Variants in RBM19 observed in about 807,000 individuals in gnomAD.
RBM19 encodes RNA binding motif protein 19, also known as probable RNA-binding protein 19.
In RBM19, 94 loss-of-function variants were observed where a neutral mutation model predicts 116.8. That is an observed-to-expected ratio of 0.80 (90% confidence interval 0.68 to 0.95). The LOEUF (loss-of-function observed/expected upper bound fraction) is 0.95, where lower values mean the gene tolerates loss of function less well. RBM19 is among the 40% of genes least tolerant of loss of function. The probability of loss-of-function intolerance (pLI) is 0.00; values close to 1 mark genes in which losing one functional copy is unlikely to be tolerated. For synonymous variants in RBM19, 475 were observed against 494.1 expected, an observed-to-expected ratio of 0.96 and a Z score of 0.51; for missense variants, 1,161 against 1,220.7, an observed-to-expected ratio of 0.95 and a Z score of 0.73.
intron 22 of RBM19, among the ~76,000 whole-genome samples, chr12:113,845,374 C>A (rs1876873887): frequency 6.6e-6 from 1 of 152,136 alleles, no homozygotes; most frequent in African/African-American, 2.4e-5. Context: ...TGGGTCCTGG[C>A]ACAGGCTGTT....
chr12:113,882,854 A>AT (rs1880245359), intron 21 of RBM19, among the ~76,000 whole-genome samples: 1 of 152,222 alleles, frequency 6.6e-6, no homozygotes, highest in African/African-American at 2.4e-5. Context: ...GAGTCCAGAG[A>AT]TACAAGAGTT....
At chr12:113,860,967 C>T (rs1046196599) in intron 21 of RBM19, among the ~76,000 whole-genome samples, 4 of 152,200 alleles carry the variant, frequency 2.6e-5, no homozygotes, top group Admixed American at 2.6e-4. Flanking sequence ...CACCTACCCT[C>T]AGAGGGCGGT....
chr12:113,869,595 C>A (rs2135761905), intron 21 of RBM19, among the ~76,000 whole-genome samples: 1 of 152,252 alleles, frequency 6.6e-6, no homozygotes, highest in South Asian at 2.1e-4. Context: ...ATAATTCAGG[C>A]TAATGAAATC....
At chr12:113,957,717 G>A in intron 6 of RBM19, 65 bp downstream of exon 6, 8 of 1,516,462 alleles carry the variant, frequency 5.3e-6, no homozygotes, top group Non-Finnish European at 7.1e-6. Flanking sequence ...CAGAGGAGCT[G>A]TGGGGACCAC....
chr12:113,952,576 T>C lies in RBM19; in HGVS notation c.936A>G (p.Glu312=). ...CCACTGGTTTCAGGGGTGCCAGGAA[T>C]TCCATAACATTTTTCTGTGAGAAGA... ...PFNVTEKNVM[E]FLAPLKPVAI... The change falls in exon 8 of 24, where the codon GAA becomes GAG. Residue 312 remains glutamate (E), a synonymous_variant. Coordinates refer to ENST00000261741, the MANE Select transcript of RBM19 (RefSeq NM_016196.4). 6.2e-7 allele frequency: 1 copy of C among 1,613,988 alleles called. No homozygotes were observed. The highest frequency in any genetic ancestry group is 8.5e-7 in the Non-Finnish European group (1 of 1,179,874).
intron 21 of RBM19, among the ~76,000 whole-genome samples, chr12:113,875,723 T>G (rs1879625640): frequency 6.6e-6 from 1 of 152,186 alleles, no homozygotes. Flanking sequence ...GGAGGCCCCT[T>G]GCAACAGCCA....
At chr12:113,920,548 G>T in intron 19 of RBM19, 63 bp downstream of exon 19, 1 of 1,423,436 alleles carries the variant, frequency 7.0e-7, no homozygotes, top group Non-Finnish European at 9.9e-7. Context: ...TCAGAGGGCT[G>T]ACGGGACCTC....
intron 2 of RBM19, among the ~76,000 whole-genome samples, chr12:113,961,754 C>T (rs763998362): frequency 2.0e-5 from 3 of 152,252 alleles, no homozygotes; most frequent in Non-Finnish European, 4.4e-5. Flanking sequence ...GGGGCTCACC[C>T]TATCATAGCA....
At chr12:113,939,184 T>C (rs533666398) in intron 15 of RBM19, among the ~76,000 whole-genome samples, 9 of 152,174 alleles carry the variant, frequency 5.9e-5, no homozygotes, top group Admixed American at 5.2e-4. Flanking sequence ...TGCATGCCTG[T>C]AGTCTCAGCT....
chr12:113,842,461 G>T (rs560982745), intron 23 of RBM19, among the ~76,000 whole-genome samples: 2 of 152,248 alleles, frequency 1.3e-5, no homozygotes, highest in Non-Finnish European at 2.9e-5. Context: ...GCTTGCAACT[G>T]TGTATTTAGC....
intron 14 of RBM19, among the ~76,000 whole-genome samples, chr12:113,940,878 G>A (rs1424043076): frequency 2.6e-5 from 4 of 152,148 alleles, no homozygotes; most frequent in Admixed American, 6.5e-5. Flanking sequence ...CTCCCGCAGC[G>A]ACAGCAAGGA....
intron 20 of RBM19, among the ~76,000 whole-genome samples, chr12:113,916,675 G>C (rs1882794266): frequency 6.6e-6 from 1 of 152,166 alleles, no homozygotes; most frequent in Non-Finnish European, 1.5e-5. Context: ...CCATGCCATG[G>C]GGACACTCAA....
chr12:113,845,097 A>G (rs1423092387), intron 22 of RBM19, among the ~76,000 whole-genome samples: 1 of 152,124 alleles, frequency 6.6e-6, no homozygotes, highest in Non-Finnish European at 1.5e-5. Flanking sequence ...GGGCGACCCC[A>G]TTAGTGGGCT....
At chr12:113,906,593 T>C (rs1471933043) in intron 21 of RBM19, among the ~76,000 whole-genome samples, 4 of 152,052 alleles carry the variant, frequency 2.6e-5, no homozygotes, top group Non-Finnish European at 4.4e-5. Flanking sequence ...ATCTGTGCAC[T>C]TTTCTGCACG....
chr12:113,862,662 A>C (rs1878488962), intron 21 of RBM19, among the ~76,000 whole-genome samples: 1 of 152,082 alleles, frequency 6.6e-6, no homozygotes, highest in South Asian at 2.1e-4. Flanking sequence ...GCGCAGGGCC[A>C]CCAGGGACTG....
intron 23 of RBM19, among the ~76,000 whole-genome samples, chr12:113,824,886 CAT>C (rs1874725873): frequency 1.3e-5 from 2 of 152,114 alleles, no homozygotes; most frequent in African/African-American, 2.4e-5. Flanking sequence ...CCCTCTAAAA[CAT>C]GTGCGTCAGA....
At chr12:113,843,568 G>A (rs923314716) in intron 23 of RBM19, among the ~76,000 whole-genome samples, 12 of 152,250 alleles carry the variant, frequency 7.9e-5, no homozygotes, top group Non-Finnish European at 1.8e-4. Flanking sequence ...GGGATCCAAA[G>A]TGGGTGGAAA....
At chr12:113,838,708 G>A (rs1014624179) in intron 23 of RBM19, among the ~76,000 whole-genome samples, 4 of 152,194 alleles carry the variant, frequency 2.6e-5, no homozygotes, top group African/African-American at 9.6e-5. Flanking sequence ...TTACAGTAAC[G>A]ATAATAATAA....
intron 16 of RBM19, among the ~76,000 whole-genome samples, chr12:113,935,242 T>C (rs1869950419): frequency 6.6e-6 from 1 of 152,004 alleles, no homozygotes; most frequent in Non-Finnish European, 1.5e-5. Context: ...CCTCCACCAA[T>C]TTGTTTTCAG....
Sources: allele counts gnomAD v4.1 joint callset (sites outside exome capture counted in the v4.1 genomes callset), GRCh38; gene constraint gnomAD v4.1.1; transcripts MANE v1.5; gene names NCBI Gene and HGNC (gene_info 2026-07-23, HGNC 2026-07-21).